Variants in ALOXE3 observed in about 807,000 individuals in gnomAD.
ALOXE3 encodes the protein arachidonate epidermal lipoxygenase 3, also known as hydroperoxide isomerase ALOXE3.
Under a neutral mutation model 87.5 loss-of-function variants are expected in ALOXE3, and 78 were observed. That is an observed-to-expected ratio of 0.89 (90% CI 0.74 to 1.08). The LOEUF (loss-of-function observed/expected upper bound fraction) is 1.08. Ranked by LOEUF, ALOXE3 falls within the 50% of genes least tolerant of loss-of-function variation. The pLI is 0.00. For missense variants in ALOXE3, 946 were observed against 912.4 expected, an observed-to-expected ratio of 1.04 and a Z score of -0.47; for synonymous variants, 363 against 370.8, an observed-to-expected ratio of 0.98 and a Z score of 0.24.
intron 15 of ALOXE3, among the ~76,000 whole-genome samples, 198 bp downstream of exon 15, chr17:8,103,125 G>A (rs979613522): frequency 1.1e-4 from 17 of 152,206 alleles, no homozygotes; most frequent in Non-Finnish European, 2.2e-4. Context: ...TGGACGGACA[G>A]ATTGGTAACT....
In ALOXE3 at chr17:8,104,232, A is replaced by C. The variant is rs763438906; in HGVS notation, c.1685-17T>G. ...TTGGGAAACCTGGGTGTGGGGAGGAAGGGTAGAGGGTGTGGATGGAAGGTA... is the reference window on the plus strand; with the variant it reads ...TTGGGAAACCTGGGTGTGGGGAGGACGGGTAGAGGGTGTGGATGGAAGGTA... On this transcript the variant is annotated splice_polypyrimidine_tract_variant and intron_variant, in intron 13 of 15. Coordinates refer to ENST00000448843, the MANE Select transcript of ALOXE3 (RefSeq NM_021628.3). The C allele has an allele frequency of 1.7e-5, 27 of 1,597,132 alleles. No homozygotes were observed. The South Asian group carries it at 2.8e-4, about 16-fold the overall frequency.
chr17:8,117,933 C>T lies in ALOXE3; in HGVS notation c.58G>A (p.Asp20Asn), dbSNP rs1436732476. 1 of 1,612,208 alleles carries T rather than the reference C, an allele frequency of 6.2e-7. No individual in the cohort carries two copies. Among genetic ancestry groups the T allele is most frequent in the East Asian group, 2.2e-5 (1 of 44,824 alleles). ...CCCACCAGTGTGACAGAGATGTTGT[C>T]CAGTGTGCCGGCCCTCAGGTAGGGA... ...TGPYLRAGTL[D>N]NISVTLVGTC... Residue 20 changes from aspartate to asparagine, a missense_variant, in exon 2 of 16, where the codon GAC becomes AAC. Coordinates refer to ENST00000448843, the MANE Select transcript of ALOXE3 (RefSeq NM_021628.3).
At chr17:8,114,413 G>C (rs868798199) in intron 6 of ALOXE3, 71 bp downstream of exon 6, 1 of 1,609,110 alleles carries the variant, frequency 6.2e-7, no homozygotes, top group Middle Eastern at 1.7e-4. Flanking sequence ...AGAAGGGGCA[G>C]TCTGGGAGCA....
Position 8,096,452 on chromosome 17 carries a change from T to A in ALOXE3, c.*175A>T. The A allele has an allele frequency of 1.6e-6, 1 of 643,310 alleles. No individual in the cohort carries two copies. Among genetic ancestry groups the A allele is most frequent in the Non-Finnish European group, 2.8e-6 (1 of 354,172 alleles). 39.9% of individuals were successfully genotyped at this position (643,310 alleles called of 1,614,324 possible). On this transcript the variant is annotated 3_prime_UTR_variant, in exon 16 of 16. Coordinates refer to ENST00000448843, the MANE Select transcript of ALOXE3 (RefSeq NM_021628.3). The stretch of plus-strand genomic sequence containing the variant: ...CGCTGCTGTGCTGGTCTCTCACAGC[T>A]CAGGGCCCAGTTTGTATGATGTCAG...
At chr17:8,109,451 A>T (rs1271065592) in intron 11 of ALOXE3, 108 bp from the exon 12 acceptor site, 3 of 1,460,160 alleles carry the variant, frequency 2.1e-6, no homozygotes, top group African/African-American at 1.4e-5. Context: ...TCTTCGGTTC[A>T]CCAAGCAATC....
At chr17:8,115,941 A>C (rs1446165218) in intron 3 of ALOXE3, among the ~76,000 whole-genome samples, 1 of 152,254 alleles carries the variant, frequency 6.6e-6, no homozygotes, top group Non-Finnish European at 1.5e-5. Context: ...CCCTGAGGGC[A>C]GAAGTCGTCT....
chr17:8,118,667 C>T (rs1169514314), upstream of ALOXE3: 1 of 1,537,336 alleles, frequency 6.5e-7, no homozygotes, highest in South Asian at 1.2e-5. Flanking sequence ...GCATGGCCCT[C>T]TTTGTCCCCA....
intron 11 of ALOXE3, 87 bp from the exon 12 acceptor site, chr17:8,109,430 A>G: frequency 6.5e-7 from 1 of 1,544,558 alleles, no homozygotes; most frequent in Non-Finnish European, 8.8e-7. Flanking sequence ...GACTCGGCCC[A>G]AGGAGGGCCT....
chr17:8,107,925 GA>G (rs1979549256), intron 13 of ALOXE3, among the ~76,000 whole-genome samples: 2 of 5,464 alleles, frequency 3.7e-4, no homozygotes, highest in South Asian at 3.4e-3. Context: ...AAGAAAGAAA[GA>G]AAGAAAGAAA....
rs1567995928 is a variant in ALOXE3 at position 8,107,809 on chromosome 17, ACAAG to A, written c.1684+655_1684+658del. Among the ~76,000 whole-genome samples, 124 of 39,182 alleles carry A rather than the reference ACAAG, an allele frequency of 3.2e-3. 8 individuals are homozygous for A. Among genetic ancestry groups the A allele is most frequent in the Non-Finnish European group, 4.4e-3 (80 of 18,162 alleles). 25.7% of individuals were successfully genotyped at this position (39,182 alleles called of 152,430 possible). A position where few individuals can be genotyped will look rare whatever the true frequency, so the allele number is the denominator to read the frequency against. On this transcript the variant is annotated intron_variant, in intron 13 of 15. Transcript: ENST00000448843. The stretch of plus-strand genomic sequence containing the variant: ...GGGAGACTCCGTCTCAAAAAAAAAA[ACAAG>A]AAAGAAAGAAAGAAAGAAAGAAAGA...
Position 8,110,144 on chromosome 17 carries a change from G to T in ALOXE3, c.1253C>A (p.Ala418Asp), listed in dbSNP as rs1427228436. 2 of 1,613,968 alleles carry T rather than the reference G, an allele frequency of 1.2e-6. No homozygotes were observed. The highest frequency in any genetic ancestry group is 1.7e-6 in the Non-Finnish European group (2 of 1,179,910). ...HFLCTHLLCE[A>D]FAMATLRQLP... ...CTGGCGCAGCGTGGCCATGGCGAAG[G>T]CCTCGCACAGCAAATGCGTGCACAG... Residue 418 changes from alanine to aspartate, a missense_variant, in exon 10 of 16, where the codon GCC becomes GAC. Physicochemically the swap from Ala to Asp is moderately radical, Grantham distance 126. Coordinates refer to ENST00000448843, the MANE Select transcript of ALOXE3 (RefSeq NM_021628.3).
chr17:8,108,709 A>G (rs1979727252), intron 12 of ALOXE3, 120 bp from the exon 13 acceptor site: 1 of 1,445,732 alleles, frequency 6.9e-7, no homozygotes, highest in African/African-American at 1.4e-5. Flanking sequence ...TTCAGCAGGG[A>G]CCCCCAGGTG....
rs1453399999 is a variant in ALOXE3, at chr17:8,103,361, G to A, written c.1918C>T (p.Leu640Phe). The A allele has an allele frequency of 1.9e-6, 3 of 1,614,064 alleles. No individual in the cohort carries two copies. The highest frequency in any genetic ancestry group is 2.5e-6 in the Non-Finnish European group (3 of 1,179,992). ...TCTTGGCTAACCAACCAGAAGAGGA[G>A]GAGGTTGTTACAGCTGATGTTCACT... ...PEVNISCNNL[L>F]LFWLVSQEPK... Residue 640 changes from leucine (L) to phenylalanine (F), a missense_variant, in exon 15 of 16, where the codon CTC (leucine) becomes TTC (phenylalanine). Coordinates refer to ENST00000448843, the MANE Select transcript of ALOXE3 (RefSeq NM_021628.3).
chr17:8,103,445 G>A lies in ALOXE3; in HGVS notation c.1834C>T (p.Pro612Ser), dbSNP rs1383642048. Residue 612 changes from proline (P) to serine (S), a missense_variant, in exon 15 of 16, where the codon CCC becomes TCC. Pro to Ser is a moderately conservative substitution (Grantham distance 74, BLOSUM62 -1). Transcript: ENST00000448843. ...GTGGTCCCCTTGGTCTGGGGTGGGG[G>A]CTGCCTCATGGATGATGGAGCATTG... ...MPNAPSSMRQPPPQTKGTTTL... is the reference protein window; with the variant it reads ...MPNAPSSMRQSPPQTKGTTTL... 6.2e-7 allele frequency: 1 copy of A among 1,614,170 alleles called. No homozygotes were observed. Among genetic ancestry groups the A allele is most frequent in the East Asian group, 2.2e-5 (1 of 44,880 alleles).
Position 8,110,407 on chromosome 17 carries a change from G to T in ALOXE3, c.1079C>A (p.Ala360Glu). 6.2e-7 allele frequency: 1 copy of T among 1,608,864 alleles called. No homozygotes were observed. The highest frequency in any genetic ancestry group is 8.5e-7 in the Non-Finnish European group (1 of 1,177,054). The change falls in exon 9 of 16, where the codon GCG becomes GAG. Residue 360 changes from alanine to glutamate, a missense_variant. By Grantham distance (107) the Ala-to-Glu change is moderately radical. Transcript: ENST00000448843. Reference sequence around the variant, plus strand: ...CACCTGGATGGCCAAGGGCACCAGCGCCCCCTGGGGGCTGAGCCACAGCAG... The same window carrying T: ...CACCTGGATGGCCAAGGGCACCAGCTCCCCCTGGGGGCTGAGCCACAGCAG... ...LCLLWLSPQGALVPLAIQLSQ... is the reference protein window; with the variant it reads ...LCLLWLSPQGELVPLAIQLSQ...
In ALOXE3 at chr17:8,096,256, A is replaced by G; in HGVS notation, c.*371T>C. On this transcript the variant is annotated 3_prime_UTR_variant, in exon 16 of 16. Coordinates refer to ENST00000448843, the MANE Select transcript of ALOXE3 (RefSeq NM_021628.3). Reference sequence around the variant, plus strand: ...AGAACGTAGAAAGGCATGGTAGGAGAAGGAGTTTGGGGATTGGGGAGGATG... The same window carrying G: ...AGAACGTAGAAAGGCATGGTAGGAGGAGGAGTTTGGGGATTGGGGAGGATG... 4.4e-6 allele frequency: 1 copy of G among 228,046 alleles called. No individual in the cohort carries two copies. The highest frequency in any genetic ancestry group is 8.8e-6 in the Non-Finnish European group (1 of 114,198). The allele number at this position is 228,046 out of a possible 1,614,324, so 14.1% of individuals were successfully genotyped here. A position where few individuals can be genotyped will look rare whatever the true frequency, so the allele number is the denominator to read the frequency against.
At chr17:8,115,426 T>G (rs1006081717) in intron 4 of ALOXE3, among the ~76,000 whole-genome samples, 181 bp downstream of exon 4, 1 of 152,186 alleles carries the variant, frequency 6.6e-6, no homozygotes, top group Non-Finnish European at 1.5e-5. Context: ...GGGACAACTG[T>G]TACTATTGGT....
chr17:8,096,720 C>T lies in ALOXE3; in HGVS notation c.2043G>A (p.Gln681=). The change falls in exon 16 of 16, where the codon CAG becomes CAA. Residue 681 remains glutamine, a synonymous_variant. Transcript: ENST00000448843. Reference sequence around the variant, plus strand: ...TCCGCTCCTGGATGTCCCTTGAGATCTGGGCCAGGCGGCTCTGGAAGGCGG... The same window carrying T: ...TCCGCTCCTGGATGTCCCTTGAGATTTGGGCCAGGCGGCTCTGGAAGGCGG... ...SIAAFQSRLA[Q]ISRDIQERNQ... 2.5e-6 allele frequency: 4 copies of T among 1,613,600 alleles called. No homozygotes were observed. The highest frequency in any genetic ancestry group is 3.4e-6 in the Non-Finnish European group (4 of 1,179,486).
chr17:8,107,669 G>C (rs1979424131), intron 13 of ALOXE3, among the ~76,000 whole-genome samples: 1 of 151,180 alleles, frequency 6.6e-6, no homozygotes, highest in Non-Finnish European at 1.5e-5. Flanking sequence ...CGTGGTGGCG[G>C]GTGCCTGTAG....
Sources: allele counts gnomAD v4.1 joint callset (sites outside exome capture counted in the v4.1 genomes callset), GRCh38; gene constraint gnomAD v4.1.1; transcripts MANE v1.5; gene names NCBI Gene and HGNC (gene_info 2026-07-23, HGNC 2026-07-21).